Variants in EML6 observed in about 807,000 individuals in gnomAD.
EML6 encodes the protein EMAP like 6, also known as echinoderm microtubule-associated protein-like 6.
EML6 carries 154 observed loss-of-function variants against 240.1 expected under a neutral mutation model. That is an observed-to-expected ratio of 0.64 (90% CI 0.56 to 0.73). The LOEUF is 0.73. Among genes scored for constraint, EML6 ranks in the 30% least tolerant of loss-of-function variants. The pLI is 0.00. For missense variants in EML6, 2,964 were observed against 2,474.6 expected (o/e 1.20, Z -4.20); for synonymous variants, 1,148 against 899.0 (o/e 1.28, Z -4.95).
intron 7 of EML6, among the ~76,000 whole-genome samples, chr2:54,834,138 T>A (rs570449551): frequency 6.6e-6 from 1 of 152,256 alleles, no homozygotes; most frequent in Non-Finnish European, 1.5e-5. Flanking sequence ...ACCCTGGATG[T>A]AAGGCGGCGG....
At chr2:54,955,868 C>G (rs1676208851) in intron 32 of EML6, among the ~76,000 whole-genome samples, 1 of 152,224 alleles carries the variant, frequency 6.6e-6, no homozygotes, top group Non-Finnish European at 1.5e-5. Flanking sequence ...TGTCATTTCT[C>G]CTCCCTTCCT....
At chr2:54,968,541 C>G in intron 40 of EML6, 127 bp from the exon 41 acceptor site, 1 of 711,614 alleles carries the variant, frequency 1.4e-6, no homozygotes, top group Admixed American at 2.2e-5. Context: ...ATAGATGAGT[C>G]CAGACCAAAT....
intron 2 of EML6, among the ~76,000 whole-genome samples, chr2:54,802,671 A>G (rs916766435): frequency 7.1e-5 from 10 of 139,976 alleles, no homozygotes; most frequent in Non-Finnish European, 9.4e-5. Flanking sequence ...TACTACTGCT[A>G]CTACTACTAC....
intron 24 of EML6, among the ~76,000 whole-genome samples, chr2:54,906,371 G>T (rs1040387682): frequency 1.3e-5 from 2 of 152,206 alleles, no homozygotes; most frequent in Admixed American, 1.3e-4. Context: ...TCTCGGCCAG[G>T]ATCAGGGGGA....
At chr2:54,754,800 G>A (rs1014207066) in intron 2 of EML6, among the ~76,000 whole-genome samples, 2 of 152,128 alleles carry the variant, frequency 1.3e-5, no homozygotes, top group Non-Finnish European at 2.9e-5. Flanking sequence ...TCTCAAAACG[G>A]CACTGTCCAG....
intron 11 of EML6, 58 bp downstream of exon 11, chr2:54,853,913 C>T (rs532304468): frequency 1.9e-6 from 2 of 1,080,910 alleles, no homozygotes; most frequent in South Asian, 3.5e-5. Flanking sequence ...GTATACAGTA[C>T]AATTAAGGCT....
chr2:54,762,577 C>G (rs1369941848), intron 2 of EML6, among the ~76,000 whole-genome samples: 1 of 152,166 alleles, frequency 6.6e-6, no homozygotes, highest in Non-Finnish European at 1.5e-5. Context: ...TTTAAAAACT[C>G]CATTGTTCCT....
chr2:54,947,258 C>T (rs139415914), intron 28 of EML6, among the ~76,000 whole-genome samples: 4 of 152,162 alleles, frequency 2.6e-5, no homozygotes, highest in Non-Finnish European at 5.9e-5. Context: ...TCCTGGGAAG[C>T]GATAATTAAT....
Position 54,959,908 on chromosome 2 carries a change from C to A in EML6, c.4854-312C>A, listed in dbSNP as rs117550712. On this transcript the variant is annotated intron_variant, in intron 34 of 41. Coordinates refer to ENST00000356458, the MANE Select transcript of EML6 (RefSeq NM_001039753.4). ...AAGAGGGGAGATGCAGAAGCAAAGCCTGAAGACAGGAGAAACATTTCTGTG... is the reference window on the plus strand; with the variant it reads ...AAGAGGGGAGATGCAGAAGCAAAGCATGAAGACAGGAGAAACATTTCTGTG... Among the ~76,000 whole-genome samples, 113 of 152,282 alleles carry A rather than the reference C, an allele frequency of 7.4e-4. No homozygotes were observed. The East Asian group carries it at 0.021, about 29-fold the overall frequency.
intron 17 of EML6, among the ~76,000 whole-genome samples, chr2:54,887,148 T>C (rs1270199219): frequency 6.6e-6 from 1 of 152,234 alleles, no homozygotes; most frequent in African/African-American, 2.4e-5. Flanking sequence ...CTGTCAGTAA[T>C]ACTCAGCTCA....
chr2:54,920,640 G>A lies in EML6; in HGVS notation c.3675+3705G>A, dbSNP rs568102588. 4.6e-5 allele frequency among the ~76,000 whole-genome samples: 7 copies of A among 152,190 alleles called. No homozygotes were observed. In the South Asian group the frequency reaches 1.4e-3, roughly 32 times the overall value. ...AAAAAAGAAAAAAAATTGAAGGGGA[G>A]GGAACACTTTTAAACTCTTCTTAGA... On this transcript the variant is annotated intron_variant, in intron 26 of 41. Transcript: ENST00000356458.
chr2:54,887,309 T>C (rs536838671), intron 17 of EML6, among the ~76,000 whole-genome samples: 55 of 152,346 alleles, frequency 3.6e-4, no homozygotes, highest in African/African-American at 1.2e-3. Context: ...AATTTTATCA[T>C]TCATTCTTCA....
At chr2:54,887,167 G>A (rs987819907) in intron 17 of EML6, among the ~76,000 whole-genome samples, 1 of 152,156 alleles carries the variant, frequency 6.6e-6, no homozygotes, top group Non-Finnish European at 1.5e-5. Context: ...CAGTTGGTGG[G>A]TTCTGGGAGC....
chr2:54,778,904 G>GAAAAA (rs56684272), intron 2 of EML6, among the ~76,000 whole-genome samples: 1 of 128,906 alleles, frequency 7.8e-6, no homozygotes, highest in Non-Finnish European at 1.6e-5. Context: ...AAAAAAAAAA[G>GAAAAA]AAAGAAAGAA....
intron 15 of EML6, among the ~76,000 whole-genome samples, chr2:54,870,666 C>CT (rs33999597): frequency 3.3e-5 from 5 of 151,906 alleles, no homozygotes; most frequent in Admixed American, 3.3e-4. Flanking sequence ...TTAATAGCCT[C>CT]TTTTTTTAAG....
At chr2:54,767,293 A>T (rs1380873780) in intron 2 of EML6, among the ~76,000 whole-genome samples, 1 of 152,206 alleles carries the variant, frequency 6.6e-6, no homozygotes, top group Non-Finnish European at 1.5e-5. Flanking sequence ...GCCAGGGAAA[A>T]AATGCCTAGA....
intron 2 of EML6, among the ~76,000 whole-genome samples, chr2:54,727,356 T>C (rs1682956897): frequency 7.3e-6 from 1 of 137,418 alleles, no homozygotes; most frequent in South Asian, 2.2e-4. Context: ...AATATGTCTT[T>C]GTACACAAGA....
chr2:54,892,491 C>A lies in EML6; in HGVS notation c.2577C>A (p.Ser859Arg). 6.4e-7 allele frequency: 1 copy of A among 1,551,292 alleles called. No individual in the cohort carries two copies. The highest frequency in any genetic ancestry group is 8.7e-7 in the Non-Finnish European group (1 of 1,146,754). The part of the protein sequence containing the change: ...GFTSKRGTFG[S>R]VGKLETMMCV... ...CTTCTAAAAGAGGAACTTTTGGAAG[C>A]GTTGGAAAATTGGAAACAATGATGT... is the stretch of plus-strand genomic sequence containing the variant. The change falls in exon 19 of 42, where the codon AGC becomes AGA. Residue 859 changes from serine (S) to arginine (R), a missense_variant. By Grantham distance (110) the Ser-to-Arg change is moderately radical (BLOSUM62 -1). Coordinates refer to ENST00000356458, the MANE Select transcript of EML6 (RefSeq NM_001039753.4).
At chr2:54,882,425 A>G (rs1671866185) in intron 17 of EML6, 1 of 152,138 alleles carries the variant, frequency 6.6e-6, no homozygotes, top group East Asian at 1.9e-4. Context: ...TTAATCAGGT[A>G]CATCTGTGCT....
Sources: gnomAD v4.1 joint callset for allele counts (sites outside exome capture counted in the v4.1 genomes callset) on GRCh38, gnomAD v4.1.1 for gene constraint, MANE v1.5 for transcripts, NCBI Gene and HGNC (gene_info 2026-07-23, HGNC 2026-07-21) for gene names.